Variants in SLC2A9 observed in about 807,000 individuals in gnomAD.
SLC2A9 encodes solute carrier family 2, facilitated glucose transporter member 9.
Under a neutral mutation model 50.6 loss-of-function variants are expected in SLC2A9, and 39 were observed. That is an observed-to-expected ratio of 0.77 (90% CI 0.60 to 1.01). The LOEUF is 1.01. Ranked by LOEUF, SLC2A9 falls within the 50% of genes least tolerant of loss-of-function variation. The probability of loss-of-function intolerance (pLI) is 0.00; values close to 1 mark genes in which losing one functional copy is unlikely to be tolerated. For synonymous variants in SLC2A9, 324 were observed against 276.9 expected (o/e 1.17, Z -1.69); for missense variants, 686 against 677.6 (o/e 1.01, Z -0.14).
chr4:9,774,559 C>T (rs1717283639), intron 1 of SLC2A9, among the ~76,000 whole-genome samples: 1 of 152,128 alleles, frequency 6.6e-6, no homozygotes, highest in African/African-American at 2.4e-5. Flanking sequence ...TTGTTTATTC[C>T]TTGTGCTAGG....
At chr4:9,930,407 A>G (rs578076237) in intron 6 of SLC2A9, among the ~76,000 whole-genome samples, 2 of 152,310 alleles carry the variant, frequency 1.3e-5, no homozygotes, top group Admixed American at 1.3e-4. Flanking sequence ...CCAACATGTC[A>G]CAGAATTGGT....
intron 10 of SLC2A9, among the ~76,000 whole-genome samples, chr4:9,864,083 T>C (rs1465892739): frequency 1.3e-5 from 2 of 152,072 alleles, no homozygotes; most frequent in African/African-American, 2.4e-5. Flanking sequence ...TGCTTCAGTC[T>C]GCAAGTTCCC....
chr4:10,006,423 G>A (rs918875015), intron 2 of SLC2A9: 2 of 152,196 alleles, frequency 1.3e-5, no homozygotes, highest in Admixed American at 1.3e-4. Flanking sequence ...GCATAAGAGA[G>A]GAAGTCATGC....
intron 10 of SLC2A9, among the ~76,000 whole-genome samples, chr4:9,847,225 T>A (rs11723024): frequency 0.21 from 32,291 of 152,180 alleles, 3,556 homozygotes; most frequent in Admixed American, 0.28. Flanking sequence ...TCTGCACGGC[T>A]GGAGAAGCCT....
At chr4:10,015,986 C>T (rs896914230) in intron 2 of SLC2A9, among the ~76,000 whole-genome samples, 3 of 152,168 alleles carry the variant, frequency 2.0e-5, no homozygotes, top group African/African-American at 7.2e-5. Flanking sequence ...ATGACACTTC[C>T]CAGGCCGTGG....
chr4:9,856,215 T>C (rs1335882340), intron 10 of SLC2A9, among the ~76,000 whole-genome samples: 1 of 152,168 alleles, frequency 6.6e-6, no homozygotes, highest in Admixed American at 6.5e-5. Context: ...AAACTATGCA[T>C]CTGACAAAGG....
chr4:9,954,165 G>C (rs1037763485), intron 5 of SLC2A9, among the ~76,000 whole-genome samples: 5 of 151,848 alleles, frequency 3.3e-5, no homozygotes, highest in African/African-American at 1.2e-4. Context: ...CTCAAACTCC[G>C]GGGCTCAAGA....
chr4:9,855,887 G>A (rs968341947), intron 10 of SLC2A9, among the ~76,000 whole-genome samples: 2 of 152,186 alleles, frequency 1.3e-5, no homozygotes, highest in African/African-American at 4.8e-5. Flanking sequence ...AATAAATGGT[G>A]CTGGGATAAT....
At chr4:9,999,196 A>G (rs1048191956) in intron 2 of SLC2A9, among the ~76,000 whole-genome samples, 22 of 151,728 alleles carry the variant, frequency 1.4e-4, no homozygotes, top group African/African-American at 4.8e-4. Context: ...AGACGACTAC[A>G]GGTATGTGCC....
chr4:9,956,969 G>A (rs1333364072), intron 5 of SLC2A9, among the ~76,000 whole-genome samples: 2 of 152,118 alleles, frequency 1.3e-5, no homozygotes, highest in Non-Finnish European at 1.5e-5. Flanking sequence ...CGGAGCCTCT[G>A]TGGGGGCACT....
intron 6 of SLC2A9, among the ~76,000 whole-genome samples, chr4:9,937,336 A>G (rs1210133684): frequency 6.6e-6 from 1 of 151,916 alleles, no homozygotes; most frequent in South Asian, 2.1e-4. Context: ...TGTAGGAGAC[A>G]TTTATCTCTG....
intron 6 of SLC2A9, among the ~76,000 whole-genome samples, chr4:9,937,896 C>T (rs1228869553): frequency 6.6e-6 from 1 of 152,214 alleles, no homozygotes; most frequent in East Asian, 1.9e-4. Context: ...CTACAAAGCA[C>T]AAAGCCCAGC....
chr4:9,779,011 T>A (rs12501256), downstream of SLC2A9, among the ~76,000 whole-genome samples: 1 of 151,978 alleles, frequency 6.6e-6, no homozygotes, highest in Non-Finnish European at 1.5e-5. Context: ...CATGATCTAC[T>A]TGCCTCACCC....
intron 10 of SLC2A9, among the ~76,000 whole-genome samples, chr4:9,852,010 T>C (rs1032318636): frequency 3.9e-5 from 6 of 152,184 alleles, no homozygotes; most frequent in African/African-American, 1.4e-4. Context: ...GAGGATATTG[T>C]CCATGAAAAT....
At chr4:9,867,611 A>G (rs1190766060) in intron 10 of SLC2A9, among the ~76,000 whole-genome samples, 1 of 152,204 alleles carries the variant, frequency 6.6e-6, no homozygotes, top group African/African-American at 2.4e-5. Context: ...TTGCTAAGCC[A>G]TAAGCCCCTT....
intron 5 of SLC2A9, among the ~76,000 whole-genome samples, chr4:9,944,149 G>A (rs1229336866): frequency 6.6e-6 from 1 of 152,174 alleles, no homozygotes; most frequent in Non-Finnish European, 1.5e-5. Context: ...AGGCTCATTG[G>A]GGAACAACAA....
At chr4:9,896,916 A>G (rs1233944144) in intron 8 of SLC2A9, among the ~76,000 whole-genome samples, 3 of 152,166 alleles carry the variant, frequency 2.0e-5, no homozygotes, top group African/African-American at 4.8e-5. Context: ...CCTTATGCCA[A>G]TCTCATGCTG....
At chr4:9,901,764 C>A (rs758547285) in intron 8 of SLC2A9, among the ~76,000 whole-genome samples, 1 of 152,184 alleles carries the variant, frequency 6.6e-6, no homozygotes, top group African/African-American at 2.4e-5. Flanking sequence ...CTCTCAGATT[C>A]TTGCTGTCTG....
chr4:9,978,379 T>C (rs1755155955), intron 5 of SLC2A9, among the ~76,000 whole-genome samples: 1 of 152,222 alleles, frequency 6.6e-6, no homozygotes, highest in Non-Finnish European at 1.5e-5. Context: ...TATTGATTTA[T>C]AAACAAAGTG....
Sources: gnomAD v4.1 joint callset for allele counts (sites outside exome capture counted in the v4.1 genomes callset) on GRCh38, gnomAD v4.1.1 for gene constraint, MANE v1.5 for transcripts, NCBI Gene and HGNC (gene_info 2026-07-23, HGNC 2026-07-21) for gene names.